The following FN1 variants were observed in gnomAD, a reference collection of about 807,000 sequenced individuals.
The protein encoded by FN1 is fibronectin.
FN1 carries 106 observed loss-of-function variants against 297.3 expected under a neutral mutation model. That is an observed-to-expected ratio of 0.36 (90% CI 0.30 to 0.42). The LOEUF (loss-of-function observed/expected upper bound fraction) is 0.42, where lower values mean the gene tolerates loss of function less well. Ranked by LOEUF, FN1 falls within the 10% of genes least tolerant of loss-of-function variation. The pLI is 1.00. For missense variants in FN1, 2,690 were observed against 3,124.9 expected (o/e 0.86, Z 3.32); for synonymous variants, 1,149 against 1,152.6 (o/e 1.00, Z 0.06).
chr2:215,424,141 C>T lies in FN1; in HGVS notation c.1216+5G>A. 6 of 1,614,080 alleles carry T rather than the reference C, an allele frequency of 3.7e-6. No individual in the cohort carries two copies. The highest frequency in any genetic ancestry group is 5.1e-6 in the Non-Finnish European group (6 of 1,179,946). On this transcript the variant is annotated splice_donor_5th_base_variant and intron_variant, in intron 8 of 45. Transcript: ENST00000354785. ...ACTTCTGTGGCTCCCCCTTGGGACA[C>T]TCACCAGTGTGGTCTGTGCAGAAAG...
Position 215,434,726 on chromosome 2 carries a change from G to C in FN1, c.247C>G (p.Arg83Gly), listed in dbSNP as rs780120577. 4 of 1,614,090 alleles carry C rather than the reference G, an allele frequency of 2.5e-6. No individual in the cohort carries two copies. Among genetic ancestry groups the C allele is most frequent in the Non-Finnish European group, 3.4e-6 (4 of 1,180,012 alleles). The change falls in exon 2 of 46, where the codon CGA becomes GGA. Residue 83 changes from arginine to glycine, a missense_variant. Arg to Gly is a moderately radical substitution (Grantham distance 125). This residue lies in a region of FN1 where 876 missense variants were observed against 1,058.1 expected (regional missense o/e 0.83). Transcript: ENST00000354785. ...ALVCTCYGGSRGFNCESKPEA... is the reference protein window; with the variant it reads ...ALVCTCYGGSGGFNCESKPEA... ...GGTTTACTCTCGCAGTTAAAACCTC[G>C]GCTTCCTCCATAACAAGTACAAACC... is the stretch of plus-strand genomic sequence containing the variant.
At chr2:215,376,901 C>T (rs1260857891) in intron 35 of FN1, among the ~76,000 whole-genome samples, 1 of 152,068 alleles carries the variant, frequency 6.6e-6, no homozygotes, top group East Asian at 1.9e-4. Flanking sequence ...AGCTGAAAAG[C>T]TTTATAGATA....
intron 44 of FN1, among the ~76,000 whole-genome samples, chr2:215,363,918 T>A (rs1033142172): frequency 1.3e-5 from 2 of 152,222 alleles, no homozygotes; most frequent in African/African-American, 4.8e-5. Flanking sequence ...TCCCATCTAT[T>A]TTCTTACCAG....
chr2:215,419,906 GGAT>G (rs1394386633), intron 11 of FN1, among the ~76,000 whole-genome samples: 5 of 152,116 alleles, frequency 3.3e-5, no homozygotes, highest in Admixed American at 2.6e-4. Context: ...TCAAACAAAC[GGAT>G]GTTATCAGTT....
In FN1 at chr2:215,397,670, T is replaced by C; in HGVS notation, c.3517+10A>G. The stretch of plus-strand genomic sequence containing the variant: ...AAAAACTAATAGAAAAGGGAAAAAA[T>C]TCTTCTTACGTGTCACCACTTTGTT... On this transcript the variant is annotated intron_variant, in intron 22 of 45. Coordinates refer to ENST00000354785, the MANE Select transcript of FN1 (RefSeq NM_212482.4). 6.2e-7 allele frequency: 1 copy of C among 1,613,354 alleles called. No individual in the cohort carries two copies. The highest frequency in any genetic ancestry group is 1.7e-5 in the Admixed American group (1 of 60,012).
At chr2:215,419,203 A>G (rs1246808781) in intron 12 of FN1, 39 bp downstream of exon 12, 2 of 1,602,514 alleles carry the variant, frequency 1.2e-6, no homozygotes, top group Non-Finnish European at 1.7e-6. Flanking sequence ...GTTATAACCC[A>G]ATTGGCAGTT....
chr2:215,364,356 G>A lies in FN1; in HGVS notation c.7251+523C>T, dbSNP rs187832729. The A allele has an allele frequency of 1.4e-3, 258 of 185,484 alleles. 1 individual carries two copies. The highest frequency in any genetic ancestry group is 5.9e-3 in the African/African-American group (251 of 42,474). The allele number at this position is 185,484 out of a possible 1,614,324, so 11.5% of individuals were successfully genotyped here. A position where few individuals can be genotyped will look rare whatever the true frequency, so the allele number is the denominator to read the frequency against. On this transcript the variant is annotated intron_variant, in intron 44 of 45. Coordinates refer to ENST00000354785, the MANE Select transcript of FN1 (RefSeq NM_212482.4). The stretch of plus-strand genomic sequence containing the variant: ...CATGGGACACCTGTCCATCAGAATG[G>A]AGTTGGAGGCCTAGAGCTACACTGC...
intron 20 of FN1, among the ~76,000 whole-genome samples, chr2:215,403,474 A>C (rs1322442978): frequency 6.6e-6 from 1 of 152,208 alleles, no homozygotes; most frequent in Admixed American, 6.5e-5. Flanking sequence ...AGAAAATTGC[A>C]AACTAGTCCA....
chr2:215,426,298 G>A (rs956275841), intron 6 of FN1, among the ~76,000 whole-genome samples: 8 of 151,346 alleles, frequency 5.3e-5, no homozygotes, highest in South Asian at 2.1e-4. Flanking sequence ...ACAGGCACCC[G>A]CCACCACGCC....
Position 215,434,647 on chromosome 2 carries a change from C to A in FN1, c.277+49G>T, listed in dbSNP as rs376877251. 2.1e-5 allele frequency: 34 copies of A among 1,608,388 alleles called. No homozygotes were observed. The African/African-American group carries it at 4.5e-4, about 21-fold the overall frequency. On this transcript the variant is annotated intron_variant, in intron 2 of 45. Coordinates refer to ENST00000354785, the MANE Select transcript of FN1 (RefSeq NM_212482.4). ...TTACTAATGCAAAGTTTAACAATTA[C>A]CACTTCATGTATTAAAAGATACTAA...
At chr2:215,427,424 C>G (rs1046926166) in intron 6 of FN1, among the ~76,000 whole-genome samples, 1 of 152,112 alleles carries the variant, frequency 6.6e-6, no homozygotes, top group Non-Finnish European at 1.5e-5. Context: ...GAGGAGTGCA[C>G]GTCCTTGTTG....
At chr2:215,395,197 A>T (rs1484041104) in intron 23 of FN1, among the ~76,000 whole-genome samples, 1 of 152,182 alleles carries the variant, frequency 6.6e-6, no homozygotes, top group African/African-American at 2.4e-5. Context: ...CTCCTAATTT[A>T]AAAGGTCTGA....
At chr2:215,430,650 C>G in intron 5 of FN1, 65 bp downstream of exon 5, 2 of 1,571,588 alleles carry the variant, frequency 1.3e-6, no homozygotes, top group Non-Finnish European at 1.7e-6. Flanking sequence ...TAGTATTACC[C>G]TTCTCTCTAG....
rs923717610 is a variant in FN1, at chr2:215,375,095, A to T, written c.6157+119T>A. The T allele has an allele frequency of 1.5e-5, 16 of 1,038,310 alleles. No homozygotes were observed. In the South Asian group the frequency reaches 2.1e-4, roughly 14 times the overall value. 64.3% of individuals were successfully genotyped at this position (1,038,310 alleles called of 1,614,324 possible). ...TACACAGAGAATGCTTTTTGAGGTT[A>T]TCAGGAACAGAGTTTCGCATTCTCA... On this transcript the variant is annotated intron_variant, in intron 38 of 45. Transcript: ENST00000354785.
chr2:215,374,247 C>CT (rs35233997), intron 38 of FN1, among the ~76,000 whole-genome samples: 85,384 of 151,920 alleles, frequency 0.56, 26,394 homozygotes, highest in Non-Finnish European at 0.71. Flanking sequence ...CTCATGTCTG[C>CT]TTCTATTTTC....
chr2:215,408,140 A>G lies in FN1; in HGVS notation c.2486T>C (p.Val829Ala). 6.2e-7 allele frequency: 1 copy of G among 1,614,160 alleles called. No individual in the cohort carries two copies. Among genetic ancestry groups the G allele is most frequent in the Non-Finnish European group, 8.5e-7 (1 of 1,180,044 alleles). Residue 829 changes from valine (V) to alanine (A), a missense_variant, in exon 17 of 46, where the codon GTT (valine) becomes GCT (alanine). Val to Ala is a moderately conservative substitution (Grantham distance 64, BLOSUM62 0). This residue lies in a region of FN1 where 876 missense variants were observed against 1,058.1 expected (regional missense o/e 0.83). Coordinates refer to ENST00000354785, the MANE Select transcript of FN1 (RefSeq NM_212482.4). ...GGGAGCCTGGGGTCTGCTCCAGCGAACAACAATTGAGGTGTCATCAACTTG... is the reference window on the plus strand; with the variant it reads ...GGGAGCCTGGGGTCTGCTCCAGCGAGCAACAATTGAGGTGTCATCAACTTG... ...VDQVDDTSIV[V>A]RWSRPQAPIT... is the part of the protein sequence containing the mutation.
At chr2:215,433,931 G>C (rs1374155466) in intron 2 of FN1, among the ~76,000 whole-genome samples, 1 of 152,126 alleles carries the variant, frequency 6.6e-6, no homozygotes, top group African/African-American at 2.4e-5. Flanking sequence ...GTGAAACCCC[G>C]TCTCTACTAA....
chr2:215,371,987 G>A lies in FN1; in HGVS notation c.6636C>T (p.Ile2212=). 5.6e-6 allele frequency: 9 copies of A among 1,614,238 alleles called. No homozygotes were observed. The highest frequency in any genetic ancestry group is 7.6e-6 in the Non-Finnish European group (9 of 1,180,046). The change falls in exon 40 of 46, where the codon ATC becomes ATT. Residue 2212 remains isoleucine (I), a synonymous_variant. Coordinates refer to ENST00000354785, the MANE Select transcript of FN1 (RefSeq NM_212482.4). ...TGQEALSQTT[I]SWAPFQDTSE... Reference sequence around the variant, plus strand: ...AAGTGTCCTGGAATGGGGCCCATGAGATGGTTGTCTGAGAGAGAGCTTCTT... The same window carrying A: ...AAGTGTCCTGGAATGGGGCCCATGAAATGGTTGTCTGAGAGAGAGCTTCTT...
At chr2:215,384,658 TGTA>T in intron 29 of FN1, 199 bp downstream of exon 29, 1 of 531,562 alleles carries the variant, frequency 1.9e-6, no homozygotes. Flanking sequence ...CCCCTCTAGT[TGTA>T]GTATATAAAC....
Sources: allele counts gnomAD v4.1 joint callset (sites outside exome capture counted in the v4.1 genomes callset), GRCh38; gene constraint gnomAD v4.1.1; regional missense constraint gnomAD v4.1.1; transcripts MANE v1.5; gene names NCBI Gene and HGNC (gene_info 2026-07-23, HGNC 2026-07-21).